FLVCR2: variants seen among roughly 807,000 people sequenced by gnomAD.
FLVCR2 encodes choline/ethanolamine transporter FLVCR2.
Under a neutral mutation model 48.9 loss-of-function variants are expected in FLVCR2, and 38 were observed. The observed-to-expected ratio is 0.78, with a 90% CI of 0.60 to 1.02. FLVCR2 has a LOEUF of 1.02. Ranked by LOEUF, FLVCR2 falls within the 50% of genes least tolerant of loss-of-function variation. The pLI is 0.00. For synonymous variants in FLVCR2, 255 were observed against 257.0 expected (o/e 0.99, Z 0.07); for missense variants, 664 against 663.3 (o/e 1.00, Z -0.01).
chr14:75,604,456 G>A (rs1889241057), intron 1 of FLVCR2, among the ~76,000 whole-genome samples: 1 of 152,174 alleles, frequency 6.6e-6, no homozygotes, highest in African/African-American at 2.4e-5. Flanking sequence ...TGCTGTCATG[G>A]CACATGCCTG....
rs1888545866 is a variant in FLVCR2, at chr14:75,579,634, G to T, written c.662G>T (p.Gly221Val). The change falls in exon 1 of 10, where the codon GGC (glycine) becomes GTC (valine). Residue 221 changes from glycine (G) to valine (V), a missense_variant. Transcript: ENST00000238667. ...VSTACSVAVF[G>V]NQLGIAIGFL... is the part of the protein sequence containing the mutation. ...ACAGCCTGCTCCGTGGCTGTCTTTG[G>T]CAATCAGGTAGGTAGAACAGTTTGT... 1.2e-6 allele frequency: 2 copies of T among 1,614,116 alleles called. No homozygotes were observed. The highest frequency in any genetic ancestry group is 1.7e-6 in the Non-Finnish European group (2 of 1,180,036).
intron 1 of FLVCR2, among the ~76,000 whole-genome samples, chr14:75,598,909 C>T (rs958765996): frequency 6.6e-6 from 1 of 152,240 alleles, no homozygotes; most frequent in African/African-American, 2.4e-5. Flanking sequence ...TCTCTTGTTA[C>T]CTCTCAGCCT....
chr14:75,610,862 G>C (rs1889425008), intron 1 of FLVCR2, among the ~76,000 whole-genome samples: 1 of 152,188 alleles, frequency 6.6e-6, no homozygotes, highest in African/African-American at 2.4e-5. Context: ...TACTCGCTTT[G>C]GGTGGTTAAA....
intron 1 of FLVCR2, among the ~76,000 whole-genome samples, chr14:75,599,054 A>T (rs867471630): frequency 5.2e-4 from 79 of 152,322 alleles, no homozygotes; most frequent in African/African-American, 1.8e-3. Context: ...TTCCTACAGA[A>T]ATGTTAAATA....
chr14:75,630,850 C>T (rs1048707818), intron 3 of FLVCR2, among the ~76,000 whole-genome samples: 1 of 152,156 alleles, frequency 6.6e-6, no homozygotes, highest in Non-Finnish European at 1.5e-5. Context: ...GGGAAGATCA[C>T]ATTTTCTCTT....
In FLVCR2 at chr14:75,585,281, C is replaced by T. The variant is rs185974254; in HGVS notation, c.669+5640C>T. 5.9e-5 allele frequency among the ~76,000 whole-genome samples: 9 copies of T among 152,270 alleles called. No individual in the cohort carries two copies. The East Asian group carries it at 1.7e-3, about 29-fold the overall frequency. On this transcript the variant is annotated intron_variant, in intron 1 of 9. Transcript: ENST00000238667. The stretch of plus-strand genomic sequence containing the variant: ...ATGCCTGGATGTCAGGCACCTCAGA[C>T]CATTTGCCCATTTTTCGACAAAAAT...
chr14:75,636,029 G>T (rs1368380283), intron 5 of FLVCR2, among the ~76,000 whole-genome samples: 1 of 152,158 alleles, frequency 6.6e-6, no homozygotes, highest in Non-Finnish European at 1.5e-5. Context: ...ATCCTCTGGC[G>T]AACAGCAGCC....
rs201940306 is a variant in FLVCR2, at chr14:75,624,587, G to T, written c.812-25G>T. On this transcript the variant is annotated intron_variant, in intron 2 of 9. Transcript: ENST00000238667. ...TGGGGTGGGACCATGGGAATTTTCA[G>T]CCATCTCTGTTTTTTTCCTTTCAGT... is the stretch of plus-strand genomic sequence containing the variant. The T allele has an allele frequency of 6.2e-6, 10 of 1,614,018 alleles. No homozygotes were observed. In the South Asian group the frequency reaches 1.1e-4, roughly 18 times the overall value.
chr14:75,628,899 T>G (rs565580346), intron 3 of FLVCR2, among the ~76,000 whole-genome samples: 1 of 152,356 alleles, frequency 6.6e-6, no homozygotes, highest in Non-Finnish European at 1.5e-5. Context: ...ACTGCCAGTC[T>G]GCCATTGCCA....
intron 1 of FLVCR2, among the ~76,000 whole-genome samples, chr14:75,607,127 C>T (rs181752365): frequency 1.3e-3 from 200 of 152,260 alleles, no homozygotes; most frequent in Admixed American, 3.7e-3. Context: ...TTTGGGGCCT[C>T]CAGCAGGATA....
chr14:75,611,753 CA>C (rs1889457571), intron 1 of FLVCR2, among the ~76,000 whole-genome samples: 1 of 151,994 alleles, frequency 6.6e-6, no homozygotes, highest in Non-Finnish European at 1.5e-5. Flanking sequence ...AACAAACAAA[CA>C]AACAAAAAAA....
rs955655854 is a variant in FLVCR2 at position 75,591,937 on chromosome 14, C to T, written c.669+12296C>T. 9.2e-5 allele frequency among the ~76,000 whole-genome samples: 14 copies of T among 151,714 alleles called. 1 individual carries two copies. The South Asian group carries it at 1.5e-3, about 16-fold the overall frequency. ...AATCAATCTTCCAGCCTCAGCCTCC[C>T]AAGTAGCTGGGACTACAGGCATGCA... is the stretch of plus-strand genomic sequence containing the variant. On this transcript the variant is annotated intron_variant, in intron 1 of 9. Coordinates refer to ENST00000238667, the MANE Select transcript of FLVCR2 (RefSeq NM_017791.3).
intron 1 of FLVCR2, among the ~76,000 whole-genome samples, chr14:75,619,886 A>G (rs1248634004): frequency 6.6e-6 from 1 of 152,222 alleles, no homozygotes; most frequent in East Asian, 1.9e-4. Context: ...CCAGAGGAGG[A>G]GGGCATACAG....
At chr14:75,609,969 C>T (rs1313334707) in intron 1 of FLVCR2, among the ~76,000 whole-genome samples, 3 of 152,172 alleles carry the variant, frequency 2.0e-5, no homozygotes, top group Non-Finnish European at 4.4e-5. Flanking sequence ...CTGTTGATTG[C>T]TGGTGTCTGG....
rs117527165 is a variant in FLVCR2, at chr14:75,599,154, G to A, written c.669+19513G>A. 3.3e-5 allele frequency among the ~76,000 whole-genome samples: 5 copies of A among 152,268 alleles called. No homozygotes were observed. The East Asian group carries it at 9.6e-4, about 29-fold the overall frequency. On this transcript the variant is annotated intron_variant, in intron 1 of 9. Transcript: ENST00000238667. ...ACCAAGCCCACCCAACCAAGAAAAA[G>A]ACACATTCAAAGCCATAGGAAATTT...
chr14:75,622,318 C>A, intron 2 of FLVCR2, 98 bp downstream of exon 2: 1 of 1,207,306 alleles, frequency 8.3e-7, no homozygotes, highest in South Asian at 1.2e-5. Flanking sequence ...CCTGAAATAC[C>A]ATGGATATTT....
At chr14:75,602,787 C>T (rs76494048) in intron 1 of FLVCR2, among the ~76,000 whole-genome samples, 1,627 of 152,194 alleles carry the variant, frequency 0.011, 13 homozygotes, top group South Asian at 0.049. Flanking sequence ...ATGTACTTAA[C>T]GCTGCTGAAC....
intron 3 of FLVCR2, 107 bp from the exon 4 acceptor site, chr14:75,633,522 C>A: frequency 1.2e-6 from 1 of 849,632 alleles, no homozygotes; most frequent in Non-Finnish European, 2.1e-6. Context: ...CTCAGAGTGG[C>A]AGTGAGATGA....
At position 75,579,493 on chromosome 14, in the gene FLVCR2, C is replaced by T. The variant is rs767768620; in HGVS notation, c.521C>T (p.Pro174Leu). 4 of 1,612,824 alleles carry T rather than the reference C, an allele frequency of 2.5e-6. No homozygotes were observed. The highest frequency in any genetic ancestry group is 2.7e-5 in the African/African-American group (2 of 74,910). ...GAWVKLGSLK[P>L]HLFPVTVVGQ... ...TGGGTGAAGCTGGGCAGCCTGAAGC[C>T]GCATCTCTTTCCGGTCACCGTGGTG... The change falls in exon 1 of 10, where the codon CCG becomes CTG. Residue 174 changes from proline (P) to leucine (L), a missense_variant. Coordinates refer to ENST00000238667, the MANE Select transcript of FLVCR2 (RefSeq NM_017791.3).
Sources: allele counts gnomAD v4.1 joint callset (sites outside exome capture counted in the v4.1 genomes callset), GRCh38; gene constraint gnomAD v4.1.1; transcripts MANE v1.5; gene names NCBI Gene and HGNC (gene_info 2026-07-23, HGNC 2026-07-21).